Variants in PDS5B observed in about 807,000 individuals in gnomAD.
PDS5B encodes sister chromatid cohesion protein PDS5 homolog B.
PDS5B carries 51 observed loss-of-function variants against 184.1 expected under a neutral mutation model. That is an observed-to-expected ratio of 0.28 (90% confidence interval 0.22 to 0.35). The LOEUF is 0.35. Ranked by LOEUF, PDS5B falls within the 10% of genes least tolerant of loss-of-function variation. The pLI is 1.00. For missense variants in PDS5B, 1,180 were observed against 1,723.3 expected, an observed-to-expected ratio of 0.68 and a Z score of 5.58; for synonymous variants, 566 against 569.2, an observed-to-expected ratio of 0.99 and a Z score of 0.08.
chr13:32,691,816 C>G (rs778548603), intron 13 of PDS5B, among the ~76,000 whole-genome samples: 13 of 152,052 alleles, frequency 8.5e-5, no homozygotes, highest in South Asian at 2.1e-4. Flanking sequence ...TATACTCCTA[C>G]CAGTGGTTTA....
chr13:32,694,916 C>T (rs1951660018), intron 14 of PDS5B, among the ~76,000 whole-genome samples: 1 of 151,330 alleles, frequency 6.6e-6, no homozygotes, highest in South Asian at 2.1e-4. Flanking sequence ...AGCAGTGCGC[C>T]TGGTCATTTT....
intron 12 of PDS5B, 92 bp downstream of exon 12, chr13:32,687,377 C>T: frequency 1.1e-6 from 1 of 944,912 alleles, no homozygotes; most frequent in Non-Finnish European, 1.5e-6. Context: ...TATGACCTTA[C>T]ACTCCTTCCT....
chr13:32,722,399 A>G (rs969253745), intron 19 of PDS5B, among the ~76,000 whole-genome samples: 3 of 152,094 alleles, frequency 2.0e-5, no homozygotes, highest in African/African-American at 7.2e-5. Context: ...CTTTTACACC[A>G]TATTTTTTCA....
intron 33 of PDS5B, among the ~76,000 whole-genome samples, chr13:32,772,110 G>A (rs952319932): frequency 2.6e-5 from 4 of 151,932 alleles, no homozygotes; most frequent in East Asian, 3.9e-4. Flanking sequence ...TTGTCATTAT[G>A]TTTCATGTTA....
chr13:32,592,781 C>A (rs773799491), intron 1 of PDS5B, among the ~76,000 whole-genome samples: 2 of 152,046 alleles, frequency 1.3e-5, no homozygotes, highest in Non-Finnish European at 2.9e-5. Flanking sequence ...AAGTGGGGTC[C>A]CTTTCTAAGG....
At chr13:32,716,711 GA>G (rs1455787160) in intron 19 of PDS5B, among the ~76,000 whole-genome samples, 1 of 130,584 alleles carries the variant, frequency 7.7e-6, no homozygotes, top group African/African-American at 2.8e-5. Context: ...TTTGGGAGGT[GA>G]GGGGCGCTTT....
Position 32,732,159 on chromosome 13 carries a change from T to C in PDS5B, c.2182T>C (p.Tyr728His). ...SKKGPPRQAK[Y>H]AIHCIHAIFS... The stretch of plus-strand genomic sequence containing the variant: ...AAAAGGACCCCCCCGTCAAGCCAAA[T>C]ATGCCATTCATTGTATCCATGCGAT... The change falls in exon 20 of 35, where the codon TAT becomes CAT. Residue 728 changes from tyrosine (Y) to histidine (H), a missense_variant. By Grantham distance (83) the Tyr-to-His change is moderately conservative. Around this residue, in one of 11 missense-constraint regions of PDS5B, gnomAD observed 475 missense variants for 691.5 expected, o/e 0.69. Transcript: ENST00000315596. 1.2e-6 allele frequency: 2 copies of C among 1,609,180 alleles called. No homozygotes were observed. Among genetic ancestry groups the C allele is most frequent in the Non-Finnish European group, 1.7e-6 (2 of 1,176,006 alleles).
chr13:32,658,475 A>G lies in PDS5B; in HGVS notation c.441A>G (p.Leu147=). The G allele has an allele frequency of 6.3e-7, 1 of 1,588,158 alleles. No individual in the cohort carries two copies. The change falls in exon 5 of 35, where the codon TTA becomes TTG. Residue 147 remains leucine (L), a synonymous_variant. Transcript: ENST00000315596. ...AGTCATATAACATATGCTTTGAGTT[A>G]GAAGATAGCAATGAAATTTTCACCC... ...WVKSYNICFE[L]EDSNEIFTQL...
intron 11 of PDS5B, among the ~76,000 whole-genome samples, chr13:32,686,168 A>G (rs553822236): frequency 4.9e-4 from 75 of 152,330 alleles, no homozygotes; most frequent in Middle Eastern, 6.8e-3. Flanking sequence ...TTTTGATTAC[A>G]GTGCTGTGTT....
chr13:32,640,525 G>A (rs1281238484), intron 1 of PDS5B, among the ~76,000 whole-genome samples: 2 of 152,108 alleles, frequency 1.3e-5, no homozygotes, highest in Non-Finnish European at 2.9e-5. Context: ...GAGATTACAG[G>A]CGTGAGCCAC....
intron 20 of PDS5B, among the ~76,000 whole-genome samples, chr13:32,733,985 A>AACACCCACACAC (rs1555312859): frequency 2.8e-5 from 4 of 141,972 alleles, no homozygotes; most frequent in African/African-American, 1.1e-4. Context: ...CAAAAATTAA[A>AACACCCACACAC]ACACACACAC....
At chr13:32,596,998 C>G (rs978168580) in intron 1 of PDS5B, among the ~76,000 whole-genome samples, 3 of 151,938 alleles carry the variant, frequency 2.0e-5, no homozygotes, top group Non-Finnish European at 2.9e-5. Context: ...GAAGTCCAGT[C>G]AATCAACTTT....
chr13:32,685,570 C>T (rs1340340175), intron 11 of PDS5B, among the ~76,000 whole-genome samples: 1 of 152,170 alleles, frequency 6.6e-6, no homozygotes, highest in Non-Finnish European at 1.5e-5. Flanking sequence ...TCTTTAAATT[C>T]TCTTTGAAGA....
chr13:32,737,521 T>A (rs1953382354), intron 21 of PDS5B, among the ~76,000 whole-genome samples: 1 of 152,206 alleles, frequency 6.6e-6, no homozygotes, highest in Non-Finnish European at 1.5e-5. Context: ...GACTCAAATC[T>A]TTGCTTTCCC....
chr13:32,664,047 A>G (rs1738936366), intron 6 of PDS5B, among the ~76,000 whole-genome samples: 2 of 152,186 alleles, frequency 1.3e-5, no homozygotes, highest in African/African-American at 4.8e-5. Flanking sequence ...AAAAGACATT[A>G]TTTCATTCTT....
At chr13:32,616,492 G>A (rs1391891214) in intron 1 of PDS5B, among the ~76,000 whole-genome samples, 5 of 152,170 alleles carry the variant, frequency 3.3e-5, no homozygotes, top group Non-Finnish European at 5.9e-5. Context: ...ATTTTATGAT[G>A]TTACCAAGAA....
chr13:32,746,945 CTG>C (rs758887000), intron 24 of PDS5B, among the ~76,000 whole-genome samples: 17 of 152,170 alleles, frequency 1.1e-4, no homozygotes, highest in Non-Finnish European at 1.9e-4. Flanking sequence ...GGAAGACTGA[CTG>C]TATGTGTTCA....
rs1392164938 is a variant in PDS5B at position 32,721,340 on chromosome 13, G to A, written c.2124-10761G>A. ...CCACCTCCCAGACGGGGCGGCTGCCGGGCGAGGGCTCCCCCCACCTCCCAG... is the reference window on the plus strand; with the variant it reads ...CCACCTCCCAGACGGGGCGGCTGCCAGGCGAGGGCTCCCCCCACCTCCCAG... On this transcript the variant is annotated intron_variant, in intron 19 of 34. Coordinates refer to ENST00000315596, the MANE Select transcript of PDS5B (RefSeq NM_015032.4). Among the ~76,000 whole-genome samples, 16 of 151,140 alleles carry A rather than the reference G, an allele frequency of 1.1e-4. No individual in the cohort carries two copies. The East Asian group carries it at 1.2e-3, about 11-fold the overall frequency.
rs117714520 is a variant in PDS5B at position 32,647,255 on chromosome 13, G to A, written c.-19-1499G>A. Among the ~76,000 whole-genome samples, 794 of 152,082 alleles carry A rather than the reference G, an allele frequency of 5.2e-3. 24 individuals carry two copies. Among genetic ancestry groups the A allele is most frequent in the East Asian group, 0.034 (174 of 5,160 alleles). On this transcript the variant is annotated intron_variant, in intron 1 of 34. Coordinates refer to ENST00000315596, the MANE Select transcript of PDS5B (RefSeq NM_015032.4). Reference sequence around the variant, plus strand: ...GTATTTCAGGTGTATGTTTCACTGTGTTGCACTCCGGATAATTTCTTATGA... The same window carrying A: ...GTATTTCAGGTGTATGTTTCACTGTATTGCACTCCGGATAATTTCTTATGA...
Sources: gnomAD v4.1 joint callset for allele counts (sites outside exome capture counted in the v4.1 genomes callset) on GRCh38, gnomAD v4.1.1 for gene constraint, gnomAD v4.1.1 regional missense constraint, MANE v1.5 for transcripts, NCBI Gene and HGNC (gene_info 2026-07-23, HGNC 2026-07-21) for gene names.